The following SYTL3 variants were observed in gnomAD, a reference collection of about 807,000 sequenced individuals.
SYTL3 encodes the protein synaptotagmin-like protein 3.
A neutral mutation model predicts 82.1 loss-of-function variants in SYTL3; 88 were observed. That is an observed-to-expected ratio of 1.07 (90% CI 0.90 to 1.28). SYTL3 has a LOEUF of 1.28. SYTL3 is among the 50% of genes most tolerant of loss of function. The pLI is 0.00. For missense variants in SYTL3, 831 were observed against 757.6 expected (o/e 1.10, Z -1.14); for synonymous variants, 311 against 289.4 (o/e 1.07, Z -0.76).
chr6:158,726,108 A>C, intron 11 of SYTL3: 1 of 422,398 alleles, frequency 2.4e-6, no homozygotes, highest in Non-Finnish European at 4.6e-6. Context: ...ATAGTTATCA[A>C]AAATTGAATA....
chr6:158,656,499 G>T (rs532394417), intron 2 of SYTL3, among the ~76,000 whole-genome samples: 1 of 152,262 alleles, frequency 6.6e-6, no homozygotes, highest in South Asian at 2.1e-4. Context: ...GCTGAGGCGG[G>T]CAGATCACGA....
At chr6:158,745,954 C>G (rs1264203224) in intron 12 of SYTL3, among the ~76,000 whole-genome samples, 2 of 152,090 alleles carry the variant, frequency 1.3e-5, no homozygotes, top group African/African-American at 4.8e-5. Flanking sequence ...ATACCATAGA[C>G]CAGGTGGCTT....
At chr6:158,723,341 G>A (rs982908891) in intron 10 of SYTL3, among the ~76,000 whole-genome samples, 15 of 152,000 alleles carry the variant, frequency 9.9e-5, no homozygotes, top group Non-Finnish European at 2.2e-4. Flanking sequence ...CTCCCAAAGT[G>A]CTAGGATTAC....
intron 11 of SYTL3, among the ~76,000 whole-genome samples, chr6:158,743,598 CTTTTTT>C (rs397887964): frequency 1.6e-5 from 1 of 63,094 alleles, no homozygotes; most frequent in African/African-American, 7.4e-5. Context: ...CCAGTCCAAG[CTTTTTT>C]TTTTTTTTTT....
In SYTL3 at chr6:158,745,641, G is replaced by T; in HGVS notation, c.1017G>T (p.Lys339Asn). 6.3e-7 allele frequency: 1 copy of T among 1,594,068 alleles called. No individual in the cohort carries two copies. The highest frequency in any genetic ancestry group is 1.1e-5 in the South Asian group (1 of 87,616). ...ACKNLAYGEE[K>N]KKKCNPYVKT... is the part of the protein sequence containing the mutation. ...AGAACCTTGCCTATGGAGAAGAAAA[G>T]AAGAAAAAGTGCAATCCGTAAGTTG... Residue 339 changes from lysine to asparagine, a missense_variant, in exon 12 of 18, where the codon AAG (lysine) becomes AAT (asparagine). Coordinates refer to ENST00000611299, the MANE Select transcript of SYTL3 (RefSeq NM_001242394.2).
intron 5 of SYTL3, among the ~76,000 whole-genome samples, chr6:158,668,990 G>A (rs1166028347): frequency 1.3e-5 from 2 of 152,184 alleles, no homozygotes; most frequent in African/African-American, 4.8e-5. Flanking sequence ...CTCAGCAGGG[G>A]CCGATCAGAA....
chr6:158,738,403 G>A lies in SYTL3; in HGVS notation c.856-7077G>A, dbSNP rs1459281391. On this transcript the variant is annotated intron_variant, in intron 11 of 17. Coordinates refer to ENST00000611299, the MANE Select transcript of SYTL3 (RefSeq NM_001242394.2). ...CTCCTGATAGCAAAATTAACCAACC[G>A]CATTTGCACCCAAGTGACTCTTCTT... Among the ~76,000 whole-genome samples the A allele has an allele frequency of 2.6e-5, 4 of 152,160 alleles. No individual in the cohort carries two copies. In the South Asian group the frequency reaches 6.2e-4, roughly 24 times the overall value.
At chr6:158,761,302 T>TTTTTC (rs1491434558) in intron 15 of SYTL3, among the ~76,000 whole-genome samples, 2 of 37,992 alleles carry the variant, frequency 5.3e-5, no homozygotes, top group African/African-American at 2.6e-4. Context: ...TGCACATTTC[T>TTTTTC]TTTTTTTTTT....
At chr6:158,647,468 G>A (rs1787553198), upstream of SYTL3, among the ~76,000 whole-genome samples, 1 of 152,162 alleles carries the variant, frequency 6.6e-6, no homozygotes, top group Non-Finnish European at 1.5e-5. Context: ...ACTAAAACAT[G>A]GCCTTTATGG....
At chr6:158,700,976 C>A (rs1228793634) in intron 6 of SYTL3, among the ~76,000 whole-genome samples, 1 of 152,118 alleles carries the variant, frequency 6.6e-6, no homozygotes, top group East Asian at 1.9e-4. Flanking sequence ...CCAGGGACAG[C>A]GAGATGCAGA....
chr6:158,725,560 A>G lies in SYTL3; in HGVS notation c.778A>G (p.Thr260Ala). ...PLNQEDPKCSTNPILKQQNLP... is the reference protein window; with the variant it reads ...PLNQEDPKCSANPILKQQNLP... ...CAATCAAGAGGATCCCAAATGCTCT[A>G]CTAACCCTATTTTGAAGCAACAGAA... Residue 260 changes from threonine to alanine, a missense_variant, in exon 11 of 18, where the codon ACT becomes GCT. Thr to Ala is a moderately conservative substitution (Grantham distance 58, BLOSUM62 0). Transcript: ENST00000611299. The G allele has an allele frequency of 1.9e-6, 3 of 1,614,226 alleles. No individual in the cohort carries two copies. The highest frequency in any genetic ancestry group is 2.5e-6 in the Non-Finnish European group (3 of 1,180,032).
chr6:158,649,233 G>T (rs1297704928), upstream of SYTL3, among the ~76,000 whole-genome samples: 34 of 152,162 alleles, frequency 2.2e-4, no homozygotes, highest in Non-Finnish European at 1.5e-5. Context: ...GTTAGCTGCA[G>T]AAACAAATGG....
chr6:158,707,221 C>A lies in SYTL3; in HGVS notation c.395-9C>A. ...AATAATAAACGCCCTCTATGGATAT[C>A]TCTCGCAGGCAAACATGAGACAGTT... is the stretch of plus-strand genomic sequence containing the variant. On this transcript the variant is annotated splice_polypyrimidine_tract_variant and intron_variant, in intron 6 of 17. Transcript: ENST00000611299. 1.2e-6 allele frequency: 2 copies of A among 1,613,686 alleles called. No homozygotes were observed. The highest frequency in any genetic ancestry group is 1.7e-6 in the Non-Finnish European group (2 of 1,179,956).
intron 1 of SYTL3, among the ~76,000 whole-genome samples, chr6:158,651,543 G>A (rs866589864): frequency 6.6e-6 from 1 of 151,962 alleles, no homozygotes; most frequent in Non-Finnish European, 1.5e-5. Context: ...AGCTGAGATC[G>A]CGCCACTGCA....
chr6:158,734,238 G>A (rs1785842049), intron 11 of SYTL3, among the ~76,000 whole-genome samples: 1 of 152,084 alleles, frequency 6.6e-6, no homozygotes, highest in South Asian at 2.1e-4. Context: ...TAATAGGGGT[G>A]GAGGGGTTGG....
In SYTL3 at chr6:158,745,569, T is replaced by C; in HGVS notation, c.945T>C (p.His315=). The C allele has an allele frequency of 6.2e-7, 1 of 1,613,930 alleles. No individual in the cohort carries two copies. Among genetic ancestry groups the C allele is most frequent in the African/African-American group, 1.3e-5 (1 of 75,026 alleles). The change falls in exon 12 of 18, where the codon CAT becomes CAC. Residue 315 remains histidine, a synonymous_variant. Coordinates refer to ENST00000611299, the MANE Select transcript of SYTL3 (RefSeq NM_001242394.2). ...CTGGAGAAATAGAATTTGCCATTCA[T>C]TATTGCTTCAAAACCCATTCTTTAG... The part of the protein sequence containing the change: ...NVTGEIEFAI[H]YCFKTHSLEI...
intron 6 of SYTL3, among the ~76,000 whole-genome samples, 165 bp downstream of exon 6, chr6:158,683,154 A>ATTCCCTCTGCTCGCTACTC (rs1226654508): frequency 1.3e-5 from 2 of 148,400 alleles, no homozygotes; most frequent in Admixed American, 6.7e-5. Flanking sequence ...CACGCTGCTC[A>ATTCCCTCTGCTCGCTACTC]TTCCCTCTGC....
chr6:158,709,516 A>G (rs62431578), intron 8 of SYTL3, among the ~76,000 whole-genome samples: 53,947 of 152,088 alleles, frequency 0.35, 10,050 homozygotes, highest in Non-Finnish European at 0.39. Context: ...ATTTGTATAT[A>G]TCGTCTATAT....
chr6:158,663,272 G>A lies in SYTL3; in HGVS notation c.4G>A (p.Ala2Thr). The change falls in exon 4 of 18, where the codon GCC (alanine) becomes ACC (threonine). Residue 2 changes from alanine to threonine, a missense_variant. Coordinates refer to ENST00000611299, the MANE Select transcript of SYTL3 (RefSeq NM_001242394.2). M[A>T]QEIDLSALKE... is the part of the protein sequence containing the mutation. ...GGTCAACGAAAACGGAGAAGAAATG[G>A]CCCAAGAAATAGATCTGAGTGCTCT... 3.1e-6 allele frequency: 5 copies of A among 1,614,028 alleles called. No homozygotes were observed. Among genetic ancestry groups the A allele is most frequent in the Middle Eastern group, 1.7e-4 (1 of 6,050 alleles).
Sources: allele counts gnomAD v4.1 joint callset (sites outside exome capture counted in the v4.1 genomes callset), GRCh38; gene constraint gnomAD v4.1.1; transcripts MANE v1.5; gene names NCBI Gene and HGNC (gene_info 2026-07-23, HGNC 2026-07-21).